The following AGFG1 variants were observed in gnomAD, a reference collection of about 807,000 sequenced individuals.
AGFG1 encodes the protein arf-GAP domain and FG repeat-containing protein 1.
A neutral mutation model predicts 60.6 loss-of-function variants in AGFG1; 10 were observed. The observed-to-expected ratio is 0.16, with a 90% CI of 0.10 to 0.28. The LOEUF (loss-of-function observed/expected upper bound fraction) is 0.28. Ranked by LOEUF, AGFG1 falls within the 10% of genes least tolerant of loss-of-function variation. AGFG1 has a pLI of 1.00. For missense variants in AGFG1, 537 were observed against 676.5 expected (o/e 0.79, Z 2.29); for synonymous variants, 247 against 242.9 (o/e 1.02, Z -0.16).
At chr2:227,482,232 A>T (rs117079755) in intron 1 of AGFG1, among the ~76,000 whole-genome samples, 1 of 152,076 alleles carries the variant, frequency 6.6e-6, no homozygotes, top group Non-Finnish European at 1.5e-5. Context: ...TATTTTTTAG[A>T]TGCTTGCTCT....
At chr2:227,508,048 A>G (rs1691379738) in intron 2 of AGFG1, among the ~76,000 whole-genome samples, 1 of 151,844 alleles carries the variant, frequency 6.6e-6, no homozygotes, top group Admixed American at 6.6e-5. Context: ...GTATTCAGAA[A>G]TGTTGAAAGA....
At chr2:227,530,214 CT>C (rs1461725565) in intron 5 of AGFG1, among the ~76,000 whole-genome samples, 1 of 152,166 alleles carries the variant, frequency 6.6e-6, no homozygotes, top group African/African-American at 2.4e-5. Flanking sequence ...GTGTTACATT[CT>C]GCTTAGCTTG....
chr2:227,524,886 C>T lies in AGFG1; in HGVS notation c.665C>T (p.Ala222Val). The stretch of plus-strand genomic sequence containing the variant: ...CAGTCAACAGCTACAGCCAATTTTG[C>T]TAACTTTGCACATTTCAACAGTCAT... The part of the protein sequence containing the change: ...APQSTATANF[A>V]NFAHFNSHAA... The change falls in exon 5 of 13, where the codon GCT becomes GTT. Residue 222 changes from alanine (A) to valine (V), a missense_variant. Coordinates refer to ENST00000310078, the MANE Select transcript of AGFG1 (RefSeq NM_004504.5). 1.2e-6 allele frequency: 2 copies of T among 1,614,138 alleles called. No individual in the cohort carries two copies. The highest frequency in any genetic ancestry group is 1.7e-6 in the Non-Finnish European group (2 of 1,179,988).
chr2:227,536,753 A>G, intron 9 of AGFG1, 49 bp downstream of exon 9: 1 of 1,593,374 alleles, frequency 6.3e-7, no homozygotes, highest in Non-Finnish European at 8.6e-7. Flanking sequence ...ACCCAAATAT[A>G]TATTGTGTAG....
intron 12 of AGFG1, 82 bp downstream of exon 12, chr2:227,553,877 T>C: frequency 9.6e-7 from 1 of 1,044,610 alleles, no homozygotes; most frequent in Non-Finnish European, 1.4e-6. Context: ...TTAATATTCC[T>C]AGATGGTATT....
intron 2 of AGFG1, among the ~76,000 whole-genome samples, chr2:227,497,958 A>G (rs569194032): frequency 6.2e-4 from 94 of 151,986 alleles, no homozygotes; most frequent in African/African-American, 2.2e-3. Flanking sequence ...ATTACCACTA[A>G]TTTATGAACC....
At chr2:227,488,165 C>G (rs1245845179) in intron 1 of AGFG1, among the ~76,000 whole-genome samples, 5 of 152,134 alleles carry the variant, frequency 3.3e-5, no homozygotes, top group Admixed American at 1.3e-4. Flanking sequence ...ATGTCCTTTC[C>G]ACATTTGGTT....
At position 227,536,973 on chromosome 2, in the gene AGFG1, C is replaced by T; in HGVS notation, c.1358C>T (p.Thr453Ile). Reference sequence around the variant, plus strand: ...GCATCTTCTACAAACCCATTTCAGACCAATGCCAGAGGAGCAACAGGTAAG... The same window carrying T: ...GCATCTTCTACAAACCCATTTCAGATCAATGCCAGAGGAGCAACAGGTAAG... ...SVASSTNPFQTNARGATAATF... is the reference protein window; with the variant it reads ...SVASSTNPFQINARGATAATF... Residue 453 changes from threonine (T) to isoleucine (I), a missense_variant, in exon 10 of 13, where the codon ACC becomes ATC. By Grantham distance (89) the Thr-to-Ile change is moderately conservative (BLOSUM62 -1). Coordinates refer to ENST00000310078, the MANE Select transcript of AGFG1 (RefSeq NM_004504.5). The T allele has an allele frequency of 6.2e-7, 1 of 1,612,818 alleles. No homozygotes were observed. The highest frequency in any genetic ancestry group is 8.5e-7 in the Non-Finnish European group (1 of 1,179,210).
chr2:227,484,710 T>G (rs1481812917), intron 1 of AGFG1, among the ~76,000 whole-genome samples: 48 of 62,278 alleles, frequency 7.7e-4, no homozygotes, highest in African/African-American at 1.5e-3. Context: ...TTTTTTTTTT[T>G]TTTTTTTTTT....
At chr2:227,528,862 G>A (rs146096397) in intron 5 of AGFG1, among the ~76,000 whole-genome samples, 1 of 152,124 alleles carries the variant, frequency 6.6e-6, no homozygotes, top group African/African-American at 2.4e-5. Context: ...TTAATTGTAG[G>A]ATATGCAGTA....
intron 2 of AGFG1, among the ~76,000 whole-genome samples, chr2:227,493,773 CAG>C (rs1690891114): frequency 6.6e-6 from 1 of 151,942 alleles, no homozygotes; most frequent in Non-Finnish European, 1.5e-5. Flanking sequence ...GTTGGTGTGA[CAG>C]ATACATAACA....
At chr2:227,490,760 C>CA (rs1475999243) in intron 1 of AGFG1, among the ~76,000 whole-genome samples, 1 of 152,120 alleles carries the variant, frequency 6.6e-6, no homozygotes, top group Non-Finnish European at 1.5e-5. Context: ...AGTTGGACAA[C>CA]ATGTAAATAG....
chr2:227,549,961 C>G (rs761939129), intron 10 of AGFG1: 1 of 389,996 alleles, frequency 2.6e-6, no homozygotes, highest in Non-Finnish European at 5.2e-6. Flanking sequence ...ACAGTACACT[C>G]GAATTTTATA....
chr2:227,483,817 A>G (rs1310024519), intron 1 of AGFG1, among the ~76,000 whole-genome samples: 1 of 152,240 alleles, frequency 6.6e-6, no homozygotes, highest in Non-Finnish European at 1.5e-5. Flanking sequence ...TTGGGTAAAT[A>G]TCTAGGGCTA....
At chr2:227,530,579 T>A (rs1304326034) in intron 5 of AGFG1, among the ~76,000 whole-genome samples, 4 of 152,170 alleles carry the variant, frequency 2.6e-5, no homozygotes, top group South Asian at 2.1e-4. Context: ...GTCCTTTTTT[T>A]AAATTTTTAT....
intron 5 of AGFG1, among the ~76,000 whole-genome samples, chr2:227,528,047 G>A (rs1692049228): frequency 6.6e-6 from 1 of 151,954 alleles, no homozygotes; most frequent in African/African-American, 2.4e-5. Flanking sequence ...ATAATATGAA[G>A]TATATTATAC....
chr2:227,510,183 A>G (rs2106193530), intron 2 of AGFG1, among the ~76,000 whole-genome samples: 1 of 152,216 alleles, frequency 6.6e-6, no homozygotes, highest in South Asian at 2.1e-4. Context: ...TACTGTACTC[A>G]TGCTCCTTAC....
intron 2 of AGFG1, among the ~76,000 whole-genome samples, chr2:227,493,675 C>T (rs1258503448): frequency 1.3e-5 from 2 of 152,204 alleles, no homozygotes; most frequent in African/African-American, 4.8e-5. Flanking sequence ...ACTCAAAGCA[C>T]TTACCATGAC....
rs1041808183 is a variant in AGFG1, at chr2:227,559,924, T to C, written c.*5429T>C. On this transcript the variant is annotated 3_prime_UTR_variant, in exon 13 of 13. Coordinates refer to ENST00000310078, the MANE Select transcript of AGFG1 (RefSeq NM_004504.5). ...TTTTTTGTATGCTATAATATATGCT[T>C]ATGATTTCTAAAAATTATGCAGTAT... is the stretch of plus-strand genomic sequence containing the variant. The C allele has an allele frequency of 6.6e-6, 1 of 152,174 alleles. No individual in the cohort carries two copies. Among genetic ancestry groups the C allele is most frequent in the Non-Finnish European group, 1.5e-5 (1 of 67,980 alleles). 9.4% of individuals were successfully genotyped at this position (152,174 alleles called of 1,614,324 possible).
Sources: allele counts gnomAD v4.1 joint callset (sites outside exome capture counted in the v4.1 genomes callset), GRCh38; gene constraint gnomAD v4.1.1; transcripts MANE v1.5; gene names NCBI Gene and HGNC (gene_info 2026-07-23, HGNC 2026-07-21).